CLSTN2: variants seen among roughly 807,000 people sequenced by gnomAD.
CLSTN2 encodes the protein calsyntenin 2, also known as calsyntenin-2.
CLSTN2 carries 48 observed loss-of-function variants against 101.2 expected under a neutral mutation model. That is an observed-to-expected ratio of 0.47 (90% confidence interval 0.38 to 0.60). CLSTN2 has a LOEUF of 0.60. Among genes scored for constraint, CLSTN2 ranks in the 20% least tolerant of loss-of-function variants. CLSTN2 has a pLI of 0.00. For missense variants in CLSTN2, 1,160 were observed against 1,238.2 expected (o/e 0.94, Z 0.95); for synonymous variants, 481 against 463.6 (o/e 1.04, Z -0.48).
At chr3:139,958,164 C>G (rs976223422) in intron 1 of CLSTN2, among the ~76,000 whole-genome samples, 5 of 152,140 alleles carry the variant, frequency 3.3e-5, no homozygotes, top group African/African-American at 1.2e-4. Flanking sequence ...AATCCCTGCT[C>G]CTGCTTGATT....
chr3:140,391,497 A>T (rs1468916970), intron 2 of CLSTN2, among the ~76,000 whole-genome samples: 1 of 152,104 alleles, frequency 6.6e-6, no homozygotes, highest in Admixed American at 6.6e-5. Flanking sequence ...CTATCCCCAG[A>T]TTTCATTTAA....
At chr3:140,171,530 A>G (rs901620627) in intron 1 of CLSTN2, among the ~76,000 whole-genome samples, 1 of 148,348 alleles carries the variant, frequency 6.7e-6, no homozygotes, top group Non-Finnish European at 1.5e-5. Context: ...AGCTGCTCTC[A>G]ATTCTATAAG....
At chr3:140,017,653 C>A (rs1362917271) in intron 1 of CLSTN2, among the ~76,000 whole-genome samples, 2 of 152,194 alleles carry the variant, frequency 1.3e-5, no homozygotes, top group African/African-American at 4.8e-5. Flanking sequence ...CGGGGCCCAT[C>A]AGCCTTTGGA....
At chr3:140,342,985 C>A (rs1003030419) in intron 2 of CLSTN2, among the ~76,000 whole-genome samples, 1 of 152,210 alleles carries the variant, frequency 6.6e-6, no homozygotes. Flanking sequence ...CATGTGGCAT[C>A]ATTTCCAATG....
Position 140,570,648 on chromosome 3 carries a change from T to TA in CLSTN2, c.*4401dup, listed in dbSNP as rs1435891471. 6.6e-6 allele frequency: 1 copy of TA among 152,160 alleles called. No homozygotes were observed. Among genetic ancestry groups the TA allele is most frequent in the African/African-American group, 2.4e-5 (1 of 41,420 alleles). 9.4% of individuals were successfully genotyped at this position (152,160 alleles called of 1,614,324 possible). On this transcript the variant is annotated 3_prime_UTR_variant, in exon 17 of 17. Transcript: ENST00000458420. ...TTTCCATAAAACAATTTAAAAACACTAAAAAAGCAGGCAGTTTGGATTTAT... is the reference window on the plus strand; with the variant it reads ...TTTCCATAAAACAATTTAAAAACACTAAAAAAAGCAGGCAGTTTGGATTTAT...
At chr3:140,392,254 T>C (rs989592374) in intron 2 of CLSTN2, among the ~76,000 whole-genome samples, 1 of 151,322 alleles carries the variant, frequency 6.6e-6, no homozygotes, top group Non-Finnish European at 1.5e-5. Flanking sequence ...TTCAGTAATA[T>C]ATGTTGTTTA....
intron 1 of CLSTN2, among the ~76,000 whole-genome samples, chr3:139,997,407 C>T (rs1165020869): frequency 2.0e-5 from 3 of 152,264 alleles, no homozygotes; most frequent in Admixed American, 6.5e-5. Flanking sequence ...GATGCAATTG[C>T]AATTCAATTT....
At chr3:140,307,959 C>G (rs2087130817) in intron 2 of CLSTN2, among the ~76,000 whole-genome samples, 1 of 152,200 alleles carries the variant, frequency 6.6e-6, no homozygotes, top group African/African-American at 2.4e-5. Context: ...TTAACAGGGT[C>G]TGTAGATATA....
In CLSTN2 at chr3:140,362,819, C is replaced by T. The variant is rs76288461; in HGVS notation, c.233-40810C>T. 1.3e-4 allele frequency among the ~76,000 whole-genome samples: 20 copies of T among 151,948 alleles called. No individual in the cohort carries two copies. The East Asian group carries it at 2.1e-3, about 16-fold the overall frequency. ...ATATACCATAATGATTTTAAGAAGA[C>T]GATAACAAGTATTAACAAATGTGAA... On this transcript the variant is annotated intron_variant, in intron 2 of 16. Transcript: ENST00000458420.
chr3:140,287,854 TG>T (rs1011923579), intron 2 of CLSTN2, among the ~76,000 whole-genome samples: 16 of 152,170 alleles, frequency 1.1e-4, no homozygotes, highest in Non-Finnish European at 2.2e-4. Flanking sequence ...ATTTATTTTG[TG>T]TCTCTCAAAA....
At chr3:140,487,381 A>T (rs1478633423) in intron 8 of CLSTN2, among the ~76,000 whole-genome samples, 1 of 152,230 alleles carries the variant, frequency 6.6e-6, no homozygotes, top group African/African-American at 2.4e-5. Context: ...AGCTTCTGAG[A>T]ACAGCCCAAT....
chr3:140,265,686 C>T (rs2086688637), intron 2 of CLSTN2, among the ~76,000 whole-genome samples: 1 of 152,108 alleles, frequency 6.6e-6, no homozygotes, highest in Non-Finnish European at 1.5e-5. Context: ...GTAAAACCAT[C>T]AGTGCTTTGA....
chr3:140,390,462 A>C (rs1408178662), intron 2 of CLSTN2, among the ~76,000 whole-genome samples: 1 of 152,178 alleles, frequency 6.6e-6, no homozygotes, highest in Admixed American at 6.5e-5. Flanking sequence ...TGGTCAGAGA[A>C]TATATTCTGC....
chr3:140,076,588 C>T (rs570441560), intron 1 of CLSTN2, among the ~76,000 whole-genome samples: 40 of 144,774 alleles, frequency 2.8e-4, no homozygotes, highest in East Asian at 2.4e-3. Flanking sequence ...CTTGCCTGCC[C>T]AACTTTGTGG....
intron 4 of CLSTN2, among the ~76,000 whole-genome samples, chr3:140,415,728 G>A (rs1276429451): frequency 1.3e-5 from 2 of 152,046 alleles, no homozygotes; most frequent in Non-Finnish European, 1.5e-5. Flanking sequence ...TGAAGAAAAG[G>A]GATTCCTTGT....
At chr3:140,448,233 G>GTA (rs10665578) in intron 5 of CLSTN2, among the ~76,000 whole-genome samples, 1 of 151,500 alleles carries the variant, frequency 6.6e-6, no homozygotes, top group African/African-American at 2.4e-5. Flanking sequence ...GTGTGTGTGT[G>GTA]TGTGTGTGTG....
At chr3:140,213,097 A>C (rs901491772) in intron 2 of CLSTN2, among the ~76,000 whole-genome samples, 3 of 152,216 alleles carry the variant, frequency 2.0e-5, no homozygotes, top group Admixed American at 6.5e-5. Flanking sequence ...TTAATACCAG[A>C]AGTAATATAT....
intron 8 of CLSTN2, among the ~76,000 whole-genome samples, chr3:140,517,429 C>G (rs1395729706): frequency 6.6e-6 from 1 of 152,084 alleles, no homozygotes; most frequent in Non-Finnish European, 1.5e-5. Flanking sequence ...TTTCTGGTTT[C>G]TTCTCATTTG....
At chr3:140,395,896 AT>A (rs1370970863) in intron 2 of CLSTN2, among the ~76,000 whole-genome samples, 1 of 152,178 alleles carries the variant, frequency 6.6e-6, no homozygotes, top group Non-Finnish European at 1.5e-5. Context: ...AGAGCAGATG[AT>A]ACCATAATCT....
Sources: gnomAD v4.1 joint callset for allele counts (sites outside exome capture counted in the v4.1 genomes callset) on GRCh38, gnomAD v4.1.1 for gene constraint, MANE v1.5 for transcripts, NCBI Gene and HGNC (gene_info 2026-07-23, HGNC 2026-07-21) for gene names.